Variants in TTC12 observed in about 807,000 individuals in gnomAD.
TTC12 encodes tetratricopeptide repeat protein 12.
TTC12 carries 70 observed loss-of-function variants against 90.1 expected under a neutral mutation model. The observed-to-expected ratio is 0.78, with a 90% CI of 0.64 to 0.95. The LOEUF (loss-of-function observed/expected upper bound fraction) is 0.95. Ranked by LOEUF, TTC12 falls within the 40% of genes least tolerant of loss-of-function variation. The probability of loss-of-function intolerance (pLI) is 0.00; values close to 1 mark genes in which losing one functional copy is unlikely to be tolerated. For synonymous variants in TTC12, 296 were observed against 311.5 expected, an observed-to-expected ratio of 0.95 and a Z score of 0.53; for missense variants, 819 against 846.1, an observed-to-expected ratio of 0.97 and a Z score of 0.40.
At position 113,343,259 on chromosome 11, in the gene TTC12, G is replaced by A. The variant is rs1053590326; in HGVS notation, c.986-1013G>A. Among the ~76,000 whole-genome samples, 7 of 152,158 alleles carry A rather than the reference G, an allele frequency of 4.6e-5. No homozygotes were observed. The East Asian group carries it at 5.8e-4, about 13-fold the overall frequency. ...GCTCCTTTGGGGAATGGGCTTACCC[G>A]GAGGGGGTATCAACTAACTCTGTGT... On this transcript the variant is annotated intron_variant, in intron 12 of 21. Coordinates refer to ENST00000529221, the MANE Select transcript of TTC12 (RefSeq NM_017868.4).
Position 113,364,894 on chromosome 11 carries a change from G to GC in TTC12, c.1879dup (p.Leu627ProfsTer5). On this transcript the variant is annotated frameshift_variant, in exon 21 of 22. Coordinates refer to ENST00000529221, the MANE Select transcript of TTC12 (RefSeq NM_017868.4). LOFTEE classifies it high-confidence loss of function. ...GGATGAGGTTCTGGTGGGCAACGCT[G>GC]CCCTCTGCCTTGGTAACTGCATGGA... The GC allele has an allele frequency of 6.2e-7, 1 of 1,614,192 alleles. No individual in the cohort carries two copies. Among genetic ancestry groups the GC allele is most frequent in the East Asian group, 2.2e-5 (1 of 44,882 alleles).
At chr11:113,337,873 A>T (rs532489719) in intron 8 of TTC12, among the ~76,000 whole-genome samples, 2 of 152,038 alleles carry the variant, frequency 1.3e-5, no homozygotes, top group Non-Finnish European at 2.9e-5. Context: ...ATTTACTGAC[A>T]GTGAAGCCAA....
chr11:113,322,256 T>G (rs1947382739), intron 2 of TTC12, among the ~76,000 whole-genome samples: 1 of 152,068 alleles, frequency 6.6e-6, no homozygotes, highest in African/African-American at 2.4e-5. Context: ...TAGGAGAGAT[T>G]TAAAGTACAT....
At position 113,363,932 on chromosome 11, in the gene TTC12, GTGA is replaced by G; in HGVS notation, c.1816+10_1816+12del. On this transcript the variant is annotated splice_donor_region_variant and intron_variant, in intron 20 of 21. Transcript: ENST00000529221. Reference sequence around the variant, plus strand: ...AAGTAATAAGACTGGATAAAAGTAAGTGATGATTTCCTTAAGGGAGCCCTTGTC... The same window carrying G: ...AAGTAATAAGACTGGATAAAAGTAAGTGATTTCCTTAAGGGAGCCCTTGTC... 1 of 1,602,698 alleles carries G rather than the reference GTGA, an allele frequency of 6.2e-7. No homozygotes were observed. Among genetic ancestry groups the G allele is most frequent in the South Asian group, 1.1e-5 (1 of 90,716 alleles).
At chr11:113,336,977 G>C (rs1948405101) in intron 8 of TTC12, among the ~76,000 whole-genome samples, 1 of 152,190 alleles carries the variant, frequency 6.6e-6, no homozygotes, top group African/African-American at 2.4e-5. Context: ...TCCTATCCAT[G>C]AACATAGGAT....
At chr11:113,346,624 A>G (rs1422654669) in intron 13 of TTC12, among the ~76,000 whole-genome samples, 2 of 151,984 alleles carry the variant, frequency 1.3e-5, no homozygotes, top group African/African-American at 2.4e-5. Context: ...CTCTTTGGAC[A>G]GAATTGTGTC....
exon 22 of TTC12, chr11:113,373,194 C>T (rs1489345823): frequency 1.0e-6 from 1 of 985,448 alleles, no homozygotes; most frequent in Non-Finnish European, 1.2e-6. Flanking sequence ...AACCACCCCA[C>T]TCCACATGCA....
downstream of TTC12, chr11:113,368,413 T>A (rs1950282865): frequency 1.3e-6 from 2 of 1,549,686 alleles, no homozygotes; most frequent in Middle Eastern, 1.7e-4. Flanking sequence ...AGGCCTCATC[T>A]CCACTTGCCA....
At position 113,324,687 on chromosome 11, in the gene TTC12, T is replaced by G. The variant is rs114399093; in HGVS notation, c.322+5T>G. On this transcript the variant is annotated splice_donor_5th_base_variant and intron_variant, in intron 5 of 21. Transcript: ENST00000529221. ...AAAACAAAGTCTTGGCGGATGGTAA[T>G]TGTCAGTCCTTACTTTTCAATGGCT... is the stretch of plus-strand genomic sequence containing the variant. 1.7e-3 allele frequency: 2,800 copies of G among 1,612,638 alleles called. 51 individuals carry two copies. The African/African-American group carries it at 0.034, about 19-fold the overall frequency.
chr11:113,323,169 T>C (rs1034048439), intron 2 of TTC12, 119 bp from the exon 3 acceptor site: 2 of 736,826 alleles, frequency 2.7e-6, no homozygotes, highest in African/African-American at 3.6e-5. Flanking sequence ...TATTTTGCTT[T>C]CTATTGCTCT....
chr11:113,371,465 G>A (rs1045787311), intron 21 of TTC12: 4 of 152,050 alleles, frequency 2.6e-5, no homozygotes, highest in African/African-American at 7.2e-5. Context: ...GGAACCCGAG[G>A]GTACAGAGGG....
Position 113,362,535 on chromosome 11 carries a change from A to G in TTC12, c.1716+33A>G, listed in dbSNP as rs782585359. On this transcript the variant is annotated intron_variant, in intron 19 of 21. Transcript: ENST00000529221. ...CACTTTATTGGTTACAACCCCTGAA[A>G]TGTACAGAAGTCTCCTATTTTATTC... 2.8e-6 allele frequency: 4 copies of G among 1,405,932 alleles called. No homozygotes were observed. The Admixed American group carries it at 6.7e-5, about 24-fold the overall frequency. 87.1% of individuals were successfully genotyped at this position (1,405,932 alleles called of 1,614,324 possible). A position where few individuals can be genotyped will look rare whatever the true frequency, so the allele number is the denominator to read the frequency against.
chr11:113,322,575 G>A (rs563981866), intron 2 of TTC12, among the ~76,000 whole-genome samples: 3 of 152,288 alleles, frequency 2.0e-5, no homozygotes, highest in South Asian at 2.1e-4. Context: ...AGTCATTGGG[G>A]GAGTGACAGG....
intron 2 of TTC12, among the ~76,000 whole-genome samples, chr11:113,319,458 A>G (rs981597351): frequency 6.6e-6 from 1 of 152,220 alleles, no homozygotes; most frequent in Non-Finnish European, 1.5e-5. Context: ...AATTTAAAAA[A>G]AAGTTAATTA....
In TTC12 at chr11:113,323,281, TC is replaced by T; in HGVS notation, c.59-6del. 2 of 1,592,780 alleles carry T rather than the reference TC, an allele frequency of 1.3e-6. No homozygotes were observed. Among genetic ancestry groups the T allele is most frequent in the Non-Finnish European group, 1.7e-6 (2 of 1,172,042 alleles). On this transcript the variant is annotated splice_region_variant and splice_polypyrimidine_tract_variant and intron_variant, in intron 2 of 21. Coordinates refer to ENST00000529221, the MANE Select transcript of TTC12 (RefSeq NM_017868.4). Reference sequence around the variant, plus strand: ...TTTGATTAAGTCACACCTGATTTCTTCTCTAGCCAATTTAATTCAGGAGATG... The same window carrying T: ...TTTGATTAAGTCACACCTGATTTCTTTCTAGCCAATTTAATTCAGGAGATG...
intron 18 of TTC12, among the ~76,000 whole-genome samples, chr11:113,362,197 T>G (rs1299696596): frequency 2.6e-5 from 4 of 152,158 alleles, no homozygotes; most frequent in African/African-American, 9.7e-5. Context: ...AATATGGGCC[T>G]CTGGGTGGCA....
intron 8 of TTC12, 105 bp from the exon 9 acceptor site, chr11:113,338,669 G>C: frequency 1.2e-6 from 1 of 801,074 alleles, no homozygotes. Flanking sequence ...AGCAGGAGGA[G>C]GTGAGGAGAA....
chr11:113,343,758 G>T (rs1555146961), intron 12 of TTC12, among the ~76,000 whole-genome samples: 1 of 152,298 alleles, frequency 6.6e-6, no homozygotes, highest in South Asian at 2.1e-4. Flanking sequence ...TTATGTTCTA[G>T]GAAGGAGGGC....
rs75043331 is a variant in TTC12 at position 113,361,168 on chromosome 11, G to A, written c.1614+1160G>A. On this transcript the variant is annotated intron_variant, in intron 18 of 21. Coordinates refer to ENST00000529221, the MANE Select transcript of TTC12 (RefSeq NM_017868.4). ...CTGTCTTGGGCCTGAAAGGGGATCC[G>A]TGGTGTCAACTATAGCAAAATTCTA... Among the ~76,000 whole-genome samples, 927 of 152,312 alleles carry A rather than the reference G, an allele frequency of 6.1e-3. 12 individuals carry two copies. Among genetic ancestry groups the A allele is most frequent in the African/African-American group, 0.021 (889 of 41,562 alleles).
Sources: allele counts gnomAD v4.1 joint callset (sites outside exome capture counted in the v4.1 genomes callset), GRCh38; gene constraint gnomAD v4.1.1; transcripts MANE v1.5; gene names NCBI Gene and HGNC (gene_info 2026-07-23, HGNC 2026-07-21).